EXOC6B: variants seen among roughly 807,000 people sequenced by gnomAD.
The protein encoded by EXOC6B is SEC15 homolog B.
A neutral mutation model predicts 113.5 loss-of-function variants in EXOC6B; 54 were observed. The observed-to-expected ratio is 0.48, with a 90% CI of 0.38 to 0.60. EXOC6B has a LOEUF of 0.60. EXOC6B is among the 20% of genes least tolerant of loss of function. The pLI is 0.00. For synonymous variants in EXOC6B, 357 were observed against 339.0 expected (o/e 1.05, Z -0.58); for missense variants, 797 against 977.5 (o/e 0.82, Z 2.46).
chr2:72,371,780 G>A (rs1290417185), intron 19 of EXOC6B, among the ~76,000 whole-genome samples: 2 of 152,066 alleles, frequency 1.3e-5, no homozygotes, highest in Non-Finnish European at 2.9e-5. Context: ...ACACAACTAG[G>A]ATGCCTACTT....
At chr2:72,267,065 A>G (rs1225032215) in intron 20 of EXOC6B, among the ~76,000 whole-genome samples, 1 of 151,914 alleles carries the variant, frequency 6.6e-6, no homozygotes, top group African/African-American at 2.4e-5. Context: ...TTTGTCTGTT[A>G]TTGGTGTATA....
intron 20 of EXOC6B, among the ~76,000 whole-genome samples, chr2:72,330,130 G>A (rs1417139076): frequency 6.6e-6 from 1 of 152,154 alleles, no homozygotes; most frequent in East Asian, 1.9e-4. Context: ...AACTGTTGGG[G>A]CCAAGGAACA....
intron 20 of EXOC6B, among the ~76,000 whole-genome samples, chr2:72,307,699 G>A (rs1161700857): frequency 6.6e-6 from 1 of 152,092 alleles, no homozygotes; most frequent in African/African-American, 2.4e-5. Flanking sequence ...TACAGCAAAG[G>A]TTCCCTTTTT....
intron 7 of EXOC6B, among the ~76,000 whole-genome samples, chr2:72,574,017 G>A (rs546431428): frequency 2.0e-4 from 31 of 151,690 alleles, no homozygotes; most frequent in Non-Finnish European, 3.8e-4. Context: ...TGGGTAGGCT[G>A]AGGCAGGAGA....
At position 72,652,985 on chromosome 2, in the gene EXOC6B, A is replaced by T. The variant is rs112988338; in HGVS notation, c.669+65118T>A. On this transcript the variant is annotated intron_variant, in intron 6 of 21. Coordinates refer to ENST00000272427, the MANE Select transcript of EXOC6B (RefSeq NM_015189.3). ...ACATTGTGAGACCTCAGTTATATATATTTTTTTTAATTTTTAAAAGAAAAC... is the reference window on the plus strand; with the variant it reads ...ACATTGTGAGACCTCAGTTATATATTTTTTTTTTAATTTTTAAAAGAAAAC... Among the ~76,000 whole-genome samples the T allele has an allele frequency of 4.0e-4, 61 of 151,426 alleles. 1 individual carries two copies. The highest frequency in any genetic ancestry group is 9.9e-4 in the African/African-American group (41 of 41,324).
intron 7 of EXOC6B, among the ~76,000 whole-genome samples, chr2:72,564,557 G>A (rs1704058729): frequency 6.6e-6 from 1 of 152,160 alleles, no homozygotes; most frequent in Non-Finnish European, 1.5e-5. Context: ...CACTGACTTT[G>A]CATTCAGAGG....
chr2:72,432,346 T>C (rs1281084337), intron 18 of EXOC6B, among the ~76,000 whole-genome samples: 4 of 152,232 alleles, frequency 2.6e-5, no homozygotes, highest in Admixed American at 2.6e-4. Context: ...TCAGGTTGGT[T>C]CCAAGTCTTT....
At chr2:72,737,312 C>T (rs192452413) in intron 2 of EXOC6B, among the ~76,000 whole-genome samples, 1 of 151,762 alleles carries the variant, frequency 6.6e-6, no homozygotes, top group Admixed American at 6.6e-5. Flanking sequence ...CCACTGAGCT[C>T]CAGCCTGGGC....
At chr2:72,638,549 T>C (rs1673003233) in intron 6 of EXOC6B, among the ~76,000 whole-genome samples, 1 of 152,110 alleles carries the variant, frequency 6.6e-6, no homozygotes, top group Non-Finnish European at 1.5e-5. Flanking sequence ...TACATGAGGC[T>C]GCAGCATACC....
chr2:72,652,407 G>A (rs956053540), intron 6 of EXOC6B, among the ~76,000 whole-genome samples: 1 of 152,190 alleles, frequency 6.6e-6, no homozygotes, highest in South Asian at 2.1e-4. Context: ...CAGCTGCACA[G>A]AAAGCTAAAC....
At chr2:72,605,059 T>TG (rs762944564) in intron 6 of EXOC6B, among the ~76,000 whole-genome samples, 1 of 150,566 alleles carries the variant, frequency 6.6e-6, no homozygotes, top group Non-Finnish European at 1.5e-5. Context: ...TTTGGGAGGG[T>TG]GGATTATGAG....
intron 18 of EXOC6B, among the ~76,000 whole-genome samples, chr2:72,430,828 G>A (rs1695477658): frequency 6.6e-6 from 1 of 152,162 alleles, no homozygotes; most frequent in African/African-American, 2.4e-5. Flanking sequence ...TTTTGGTTAA[G>A]CTATTCAAAC....
chr2:72,316,672 A>G lies in EXOC6B; in HGVS notation c.2196+18275T>C, dbSNP rs190768354. ...GCAATTATGAAATAGGAACTATGTT[A>G]CCCACTGAGGGATGGGGAATTCATG... is the stretch of plus-strand genomic sequence containing the variant. On this transcript the variant is annotated intron_variant, in intron 20 of 21. Transcript: ENST00000272427. Among the ~76,000 whole-genome samples, 568 of 152,364 alleles carry G rather than the reference A, an allele frequency of 3.7e-3. 1 individual carries two copies. Among genetic ancestry groups the G allele is most frequent in the Non-Finnish European group, 6.9e-3 (468 of 68,030 alleles).
intron 6 of EXOC6B, among the ~76,000 whole-genome samples, chr2:72,584,647 G>A (rs1485483598): frequency 6.6e-6 from 1 of 152,104 alleles, no homozygotes; most frequent in Non-Finnish European, 1.5e-5. Context: ...TTCAACAGTG[G>A]ACCAATTGGA....
At chr2:72,816,179 A>G (rs1686235220) in intron 1 of EXOC6B, among the ~76,000 whole-genome samples, 2 of 152,210 alleles carry the variant, frequency 1.3e-5, no homozygotes, top group South Asian at 4.1e-4. Flanking sequence ...CAAATAAAAA[A>G]AGAAATGTGC....
intron 18 of EXOC6B, among the ~76,000 whole-genome samples, chr2:72,456,512 C>T (rs1697245124): frequency 6.6e-6 from 1 of 152,074 alleles, no homozygotes; most frequent in Non-Finnish European, 1.5e-5. Context: ...ACAGGGTTCA[C>T]AAGTCCATAG....
In EXOC6B at chr2:72,178,938, A is replaced by C. The variant is rs1677911358; in HGVS notation, c.*397T>G. 1 of 168,906 alleles carries C rather than the reference A, an allele frequency of 5.9e-6. No homozygotes were observed. Among genetic ancestry groups the C allele is most frequent in the East Asian group, 1.8e-4 (1 of 5,650 alleles). The allele number at this position is 168,906 out of a possible 1,614,324, so 10.5% of individuals were successfully genotyped here. A position where few individuals can be genotyped will look rare whatever the true frequency, so the allele number is the denominator to read the frequency against. On this transcript the variant is annotated 3_prime_UTR_variant, in exon 22 of 22. Coordinates refer to ENST00000272427, the MANE Select transcript of EXOC6B (RefSeq NM_015189.3). Reference sequence around the variant, plus strand: ...GTGGTGAATGGGCATCCAAGAGTGAACAGGACATATTTTAGTATCCTTTTG... The same window carrying C: ...GTGGTGAATGGGCATCCAAGAGTGACCAGGACATATTTTAGTATCCTTTTG...
intron 20 of EXOC6B, among the ~76,000 whole-genome samples, chr2:72,301,964 T>C (rs1686561077): frequency 6.6e-6 from 1 of 152,188 alleles, no homozygotes; most frequent in Admixed American, 6.5e-5. Flanking sequence ...AACTTTTTGA[T>C]GTGGGCATTT....
At chr2:72,676,138 AAAAG>A (rs1282893220) in intron 6 of EXOC6B, among the ~76,000 whole-genome samples, 2 of 151,984 alleles carry the variant, frequency 1.3e-5, no homozygotes, top group African/African-American at 4.8e-5. Context: ...AAAAAAAAAA[AAAAG>A]AAGAAGAAGA....
Sources: allele counts gnomAD v4.1 joint callset (sites outside exome capture counted in the v4.1 genomes callset), GRCh38; gene constraint gnomAD v4.1.1; transcripts MANE v1.5; gene names NCBI Gene and HGNC (gene_info 2026-07-23, HGNC 2026-07-21).